The following TLN2 variants were observed in gnomAD, a reference collection of about 807,000 sequenced individuals.
The protein encoded by TLN2 is talin-2.
Under a neutral mutation model 294.7 loss-of-function variants are expected in TLN2, and 118 were observed. The observed-to-expected ratio is 0.40, with a 90% CI of 0.34 to 0.47. TLN2 has a LOEUF of 0.47. TLN2 is among the 20% of genes least tolerant of loss of function. TLN2 has a pLI of 0.84. For missense variants in TLN2, 3,083 were observed against 3,282.2 expected (o/e 0.94, Z 1.48); for synonymous variants, 1,431 against 1,304.5 (o/e 1.10, Z -2.09).
intron 1 of TLN2, among the ~76,000 whole-genome samples, chr15:62,447,676 G>T (rs2035896930): frequency 6.6e-6 from 1 of 151,860 alleles, no homozygotes; most frequent in Admixed American, 6.6e-5. Context: ...TGTATTTTTA[G>T]TAGAGACAGG....
chr15:62,642,911 A>G (rs1030155712), intron 3 of TLN2, among the ~76,000 whole-genome samples: 4 of 152,176 alleles, frequency 2.6e-5, no homozygotes, highest in Non-Finnish European at 4.4e-5. Context: ...CATGTTGGCC[A>G]GGCTGGTCTT....
At position 62,582,221 on chromosome 15, in the gene TLN2, C is replaced by CACACACACACAT. The variant is rs1222510736; in HGVS notation, c.-237-7455_-237-7454insTACACACACACA. On this transcript the variant is annotated intron_variant, in intron 1 of 58. Transcript: ENST00000636159. ...ACACACACACACACACACACACACACACACACACACACACACACACACACA... is the reference window on the plus strand; with the variant it reads ...ACACACACACACACACACACACACACACACACACACATACACACACACACACACACACACACA... Among the ~76,000 whole-genome samples, 310 of 142,540 alleles carry CACACACACACAT rather than the reference C, an allele frequency of 2.2e-3. 12 individuals carry two copies. In the South Asian group the frequency reaches 0.037, roughly 17 times the overall value. The allele number at this position is 142,540 out of a possible 152,430, so 93.5% of individuals were successfully genotyped here. A position where few individuals can be genotyped will look rare whatever the true frequency, so the allele number is the denominator to read the frequency against.
Position 62,657,861 on chromosome 15 carries a change from C to T in TLN2, c.751C>T (p.Pro251Ser). ...ATTTCAAGCCCAGATACAATTTGGA[C>T]CTCATGTGGAACATAAACACAAACC... ...GGFQAQIQFG[P>S]HVEHKHKPGF... is the part of the protein sequence containing the mutation. The change falls in exon 9 of 59, where the codon CCT becomes TCT. Residue 251 changes from proline to serine, a missense_variant. Pro to Ser is a moderately conservative substitution (Grantham distance 74). Transcript: ENST00000636159. 1.2e-6 allele frequency: 2 copies of T among 1,613,790 alleles called. No individual in the cohort carries two copies. Among genetic ancestry groups the T allele is most frequent in the Non-Finnish European group, 1.7e-6 (2 of 1,179,872 alleles).
Position 62,652,066 on chromosome 15 carries a change from T to G in TLN2, c.296T>G (p.Val99Gly). Residue 99 changes from valine to glycine, a missense_variant, in exon 6 of 59, where the codon GTG (valine) becomes GGG (glycine). Coordinates refer to ENST00000636159, the MANE Select transcript of TLN2 (RefSeq NM_015059.3). ...AAAATCCGGATGCTGGATGGATCTG[T>G]GAAGACAGTGATGGTGGATGATTCC... ...PQKIRMLDGSVKTVMVDDSKT... is the reference protein window; with the variant it reads ...PQKIRMLDGSGKTVMVDDSKT... 6.2e-7 allele frequency: 1 copy of G among 1,612,264 alleles called. No individual in the cohort carries two copies. The highest frequency in any genetic ancestry group is 8.5e-7 in the Non-Finnish European group (1 of 1,178,852).
intron 2 of TLN2, among the ~76,000 whole-genome samples, chr15:62,606,248 ATT>A (rs771750764): frequency 2.2e-5 from 3 of 136,734 alleles, no homozygotes; most frequent in Admixed American, 7.3e-5. Context: ...TGCTTGGCTA[ATT>A]TTTTTTTTTT....
At chr15:62,612,076 T>A (rs949350731) in intron 2 of TLN2, among the ~76,000 whole-genome samples, 1 of 151,782 alleles carries the variant, frequency 6.6e-6, no homozygotes, top group Non-Finnish European at 1.5e-5. Context: ...CTTGCTTGTA[T>A]CTAAACCGCC....
At chr15:62,449,249 T>C (rs1374202590) in intron 1 of TLN2, among the ~76,000 whole-genome samples, 1 of 152,152 alleles carries the variant, frequency 6.6e-6, no homozygotes, top group Non-Finnish European at 1.5e-5. Flanking sequence ...TCTGGGGCTA[T>C]AATTCCTCCA....
At chr15:62,474,499 A>T (rs1358922809) in intron 1 of TLN2, among the ~76,000 whole-genome samples, 2 of 152,058 alleles carry the variant, frequency 1.3e-5, no homozygotes, top group Non-Finnish European at 1.5e-5. Context: ...ATAATTAGCC[A>T]GGTGTGGCAG....
At chr15:62,630,459 G>T (rs751222382) in intron 3 of TLN2, among the ~76,000 whole-genome samples, 2 of 152,186 alleles carry the variant, frequency 1.3e-5, no homozygotes, top group Non-Finnish European at 2.9e-5. Context: ...ATACTGGTGG[G>T]ACTTAGCCCT....
chr15:62,761,905 A>G lies in TLN2; in HGVS notation c.4779+84A>G, dbSNP rs144077419. On this transcript the variant is annotated intron_variant, in intron 38 of 58. Transcript: ENST00000636159. Reference sequence around the variant, plus strand: ...AAATGAGTTACTAGTTAAAACTCCAACAGCTCTCTCTGTCAACATGTAGGC... The same window carrying G: ...AAATGAGTTACTAGTTAAAACTCCAGCAGCTCTCTCTGTCAACATGTAGGC... 1.6e-4 allele frequency: 255 copies of G among 1,562,692 alleles called. 1 individual carries two copies. The African/African-American group carries it at 3.1e-3, about 19-fold the overall frequency.
intron 1 of TLN2, among the ~76,000 whole-genome samples, chr15:62,465,434 C>G (rs1182210342): frequency 6.6e-6 from 1 of 152,180 alleles, no homozygotes; most frequent in Non-Finnish European, 1.5e-5. Flanking sequence ...CCGTAATCCT[C>G]TCCCCTAGTC....
chr15:62,397,561 GC>G (rs978720865), intron 1 of TLN2, among the ~76,000 whole-genome samples: 87 of 152,240 alleles, frequency 5.7e-4, no homozygotes, highest in African/African-American at 2.0e-3. Context: ...ACCACACCCT[GC>G]TCTACATTGA....
intron 11 of TLN2, among the ~76,000 whole-genome samples, chr15:62,677,865 G>A (rs1183967983): frequency 5.1e-5 from 6 of 117,274 alleles, no homozygotes; most frequent in African/African-American, 1.2e-4. Flanking sequence ...GCACGATCTC[G>A]GCTCACCACA....
chr15:62,528,264 T>C (rs1304244922), intron 1 of TLN2, among the ~76,000 whole-genome samples: 1 of 152,234 alleles, frequency 6.6e-6, no homozygotes, highest in Non-Finnish European at 1.5e-5. Context: ...TGGGAAATTA[T>C]CTTAATGCTA....
Position 62,664,857 on chromosome 15 carries a change from C to CA in TLN2, c.788+6980dup, listed in dbSNP as rs10634187. 2.8e-3 allele frequency among the ~76,000 whole-genome samples: 81 copies of CA among 29,236 alleles called. 4 individuals carry two copies. The highest frequency in any genetic ancestry group is 0.022 in the Admixed American group (35 of 1,588). 19.2% of individuals were successfully genotyped at this position (29,236 alleles called of 152,430 possible). On this transcript the variant is annotated intron_variant, in intron 9 of 58. Transcript: ENST00000636159. ...CTGGGCAACAAGAGGGAAACTGTCT[C>CA]AAAAAAAAAAAAAAAAAAAAAGTGG...
chr15:62,731,433 C>T (rs1290721355), intron 28 of TLN2, among the ~76,000 whole-genome samples: 1 of 151,692 alleles, frequency 6.6e-6, no homozygotes, highest in African/African-American at 2.4e-5. Flanking sequence ...CATAGGATTA[C>T]TCTTCGCTTC....
At chr15:62,769,661 A>G (rs1272213929) in intron 41 of TLN2, among the ~76,000 whole-genome samples, 3 of 151,788 alleles carry the variant, frequency 2.0e-5, no homozygotes, top group South Asian at 2.1e-4. Context: ...CCCCCACCCC[A>G]TCATCCTCCA....
intron 1 of TLN2, among the ~76,000 whole-genome samples, chr15:62,478,473 A>C (rs1036915030): frequency 1.3e-5 from 2 of 152,104 alleles, no homozygotes; most frequent in African/African-American, 2.4e-5. Flanking sequence ...AACTTGGACA[A>C]TGTGGGGGCA....
chr15:62,697,537 C>T, intron 14 of TLN2, 151 bp from the exon 15 acceptor site: 1 of 781,872 alleles, frequency 1.3e-6, no homozygotes, highest in Non-Finnish European at 2.0e-6. Flanking sequence ...TGTAATGCCA[C>T]TTCTTCATTC....
Sources: allele counts gnomAD v4.1 joint callset (sites outside exome capture counted in the v4.1 genomes callset), GRCh38; gene constraint gnomAD v4.1.1; transcripts MANE v1.5; gene names NCBI Gene and HGNC (gene_info 2026-07-23, HGNC 2026-07-21).